Variants in RNASE9 observed in about 807,000 individuals in gnomAD.
RNASE9 encodes the protein ribonuclease A family member 9 (inactive), also known as inactive ribonuclease-like protein 9.
For synonymous variants in RNASE9, 95 were observed against 87.6 expected, an observed-to-expected ratio of 1.08 and a Z score of -0.47; for missense variants, 263 against 247.1, an observed-to-expected ratio of 1.06 and a Z score of -0.43.
intron 1 of RNASE9, chr14:20,560,325 A>T (rs887824456): frequency 2.0e-5 from 3 of 152,242 alleles, no homozygotes; most frequent in Middle Eastern, 3.4e-3. Context: ...GGCAATAATT[A>T]TAATAACTTA....
exon 3 of RNASE9, chr14:20,556,884 T>A (rs538131653): frequency 6.2e-7 from 1 of 1,614,222 alleles, no homozygotes; most frequent in African/African-American, 1.3e-5. Context: ...TGACTTTTTC[T>A]TTGGTAGGTG....
exon 3 of RNASE9, chr14:20,557,082 C>T (rs1437451572): frequency 1.3e-6 from 2 of 1,594,870 alleles, no homozygotes; most frequent in Admixed American, 1.8e-5. Flanking sequence ...TTCCTGCAGA[C>T]ACTAAAAGAG....
intron 2 of RNASE9, chr14:20,558,683 A>C (rs933442398): frequency 8.6e-7 from 1 of 1,164,128 alleles, no homozygotes; most frequent in African/African-American, 1.6e-5. Context: ...ACGTGTGAAA[A>C]GCAGAATTCA....
rs1162483527 is a variant in RNASE9, at chr14:20,556,466, C to A, written c.604G>T (p.Val202Phe). The A allele has an allele frequency of 1.9e-6, 3 of 1,610,488 alleles. No homozygotes were observed. The African/African-American group carries it at 4.0e-5, about 21-fold the overall frequency. ...AGAACGCTCTGCTAGGGCGATATGACAAAGACACCATCCTCACTGAGGAAA... is the reference window on the plus strand; with the variant it reads ...AGAACGCTCTGCTAGGGCGATATGAAAAAGACACCATCCTCACTGAGGAAA... Residue 202 changes from valine (V) to phenylalanine (F), a missense_variant, in exon 3 of 3, where the codon GTC becomes TTC. Val to Phe is a conservative substitution (Grantham distance 50). Transcript: ENST00000555230.
exon 3 of RNASE9, chr14:20,557,124 C>T (rs1245794258): frequency 6.5e-7 from 1 of 1,538,718 alleles, no homozygotes; most frequent in Non-Finnish European, 8.7e-7. Context: ...TGATAATGTG[C>T]TTGCTTCCAT....
chr14:20,558,190 CGTT>C (rs1204454586), exon 3 of RNASE9: 5 of 375,442 alleles, frequency 1.3e-5, no homozygotes, highest in Non-Finnish European at 2.0e-5. Flanking sequence ...TTACCAGGCT[CGTT>C]GTAAAAGAAG....
exon 3 of RNASE9, chr14:20,556,964 G>A (rs1249034637): frequency 6.2e-7 from 1 of 1,613,998 alleles, no homozygotes; most frequent in East Asian, 2.2e-5. Flanking sequence ...TCTTCTTCTG[G>A]GAAATCAAAA....
At chr14:20,560,621 CAAT>C (rs1477511751) in intron 1 of RNASE9, among the ~76,000 whole-genome samples, 1 of 151,716 alleles carries the variant, frequency 6.6e-6, no homozygotes, top group African/African-American at 2.4e-5. Context: ...ATACACATTG[CAAT>C]AATAATTATT....
At chr14:20,556,175 T>TC in exon 3 of RNASE9, 1 of 355,332 alleles carries the variant, frequency 2.8e-6, no homozygotes, top group Non-Finnish European at 5.1e-6. Context: ...GGCAACCATT[T>TC]CCTTTTCCTC....
exon 3 of RNASE9, chr14:20,557,064 C>T (rs1322750188): frequency 1.2e-6 from 2 of 1,601,650 alleles, no homozygotes; most frequent in Middle Eastern, 3.3e-4. Flanking sequence ...TGAGAGTTCT[C>T]ATCATTTTTC....
chr14:20,556,513 A>C (rs1244494421), exon 3 of RNASE9: 1 of 1,613,870 alleles, frequency 6.2e-7, no homozygotes, highest in Non-Finnish European at 8.5e-7. Flanking sequence ...AGGTGGCTCC[A>C]CGAGATCATT....
chr14:20,557,771 T>C (rs1021644282), exon 3 of RNASE9: 3 of 152,786 alleles, frequency 2.0e-5, no homozygotes, highest in Non-Finnish European at 4.4e-5. Flanking sequence ...GCACTCTAAG[T>C]ACATTATCAC....
At chr14:20,557,001 C>A in exon 3 of RNASE9, 1 of 1,613,696 alleles carries the variant, frequency 6.2e-7, no homozygotes, top group Non-Finnish European at 8.5e-7. Flanking sequence ...GAAACTGCAC[C>A]AGCTGCAGCA....
At chr14:20,557,962 C>T (rs1401101859) in exon 3 of RNASE9, 2 of 154,782 alleles carry the variant, frequency 1.3e-5, no homozygotes, top group Non-Finnish European at 2.9e-5. Flanking sequence ...AAATTCCACA[C>T]ATCTGTCCTT....
In RNASE9 at chr14:20,559,562, C is replaced by G. The variant is rs549510708; in HGVS notation, c.-1582+20G>C. 1 of 152,256 alleles carries G rather than the reference C, an allele frequency of 6.6e-6. No homozygotes were observed. Among genetic ancestry groups the G allele is most frequent in the East Asian group, 1.9e-4 (1 of 5,176 alleles). 9.4% of individuals were successfully genotyped at this position (152,256 alleles called of 1,614,324 possible). ...GTTTTTGCCTGGTAATCTCACACAG[C>G]AGAAACGCCTCTGGCCTACCTGTGG... On this transcript the variant is annotated intron_variant, in intron 2 of 2. Transcript: ENST00000555230.
In RNASE9 at chr14:20,558,738, G is replaced by A. The variant is rs1433336761; in HGVS notation, c.-1581-88C>T. On this transcript the variant is annotated intron_variant, in intron 2 of 2. Coordinates refer to ENST00000555230, the Ensembl canonical transcript of RNASE9. ...TTTCTACTTCCCGAGAACATGCACA[G>A]GGCCTGTCCAGAATACTCTTTTGTT... 5.5e-6 allele frequency: 4 copies of A among 721,582 alleles called. No individual in the cohort carries two copies. The East Asian group carries it at 1.1e-4, about 19-fold the overall frequency. 44.7% of individuals were successfully genotyped at this position (721,582 alleles called of 1,614,324 possible).
exon 3 of RNASE9, chr14:20,556,652 C>A (rs752791748): frequency 6.2e-7 from 1 of 1,612,984 alleles, no homozygotes; most frequent in African/African-American, 1.3e-5. Context: ...TTACAATACA[C>A]TCCTTCTACA....
exon 3 of RNASE9, chr14:20,558,212 G>C (rs891298): frequency 0.014 from 6,129 of 423,986 alleles, 317 homozygotes; most frequent in African/African-American, 0.11. Context: ...AGTCCTACTT[G>C]GTGGCAACCT....
chr14:20,558,417 A>G (rs1410711236), exon 3 of RNASE9: 5 of 723,842 alleles, frequency 6.9e-6, no homozygotes, highest in Non-Finnish European at 1.3e-5. Flanking sequence ...ATAGGAGTGC[A>G]GAGAATGGGA....
Sources: gnomAD v4.1 joint callset for allele counts (sites outside exome capture counted in the v4.1 genomes callset) on GRCh38, gnomAD v4.1.1 for gene constraint, MANE v1.5 for transcripts, NCBI Gene and HGNC (gene_info 2026-07-23, HGNC 2026-07-21) for gene names.